AGAP1: variants seen among roughly 807,000 people sequenced by gnomAD.
AGAP1 encodes arf-GAP with GTPase, ANK repeat and PH domain-containing protein 1.
In AGAP1, 29 loss-of-function variants were observed where a neutral mutation model predicts 105.3. That is an observed-to-expected ratio of 0.28 (90% CI 0.21 to 0.38). The LOEUF (loss-of-function observed/expected upper bound fraction) is 0.38. Ranked by LOEUF, AGAP1 falls within the 10% of genes least tolerant of loss-of-function variation. The pLI, the probability that AGAP1 is intolerant of heterozygous loss-of-function variation, is 1.00. For synonymous variants in AGAP1, 509 were observed against 485.9 expected (o/e 1.05, Z -0.63); for missense variants, 998 against 1,165.1 (o/e 0.86, Z 2.09).
chr2:235,688,659 G>C (rs78165418), intron 1 of AGAP1, among the ~76,000 whole-genome samples: 2 of 152,128 alleles, frequency 1.3e-5, no homozygotes, highest in Non-Finnish European at 1.5e-5. Context: ...TCAGATTTTC[G>C]TCATGACCAC....
At chr2:236,052,630 A>G (rs1056838686) in intron 16 of AGAP1, among the ~76,000 whole-genome samples, 4 of 152,194 alleles carry the variant, frequency 2.6e-5, no homozygotes, top group Admixed American at 1.3e-4. Flanking sequence ...CAGGGGAATC[A>G]TTAGTCAAGA....
chr2:235,608,308 A>C lies in AGAP1; in HGVS notation c.164-100871A>C, dbSNP rs1946015441. Among the ~76,000 whole-genome samples the C allele has an allele frequency of 6.6e-6, 1 of 152,164 alleles. No individual in the cohort carries two copies. The highest frequency in any genetic ancestry group is 2.4e-5 in the African/African-American group (1 of 41,426). ...TGGATCCATGGCCGTATTCTGTAAA[A>C]TTCCATTGTGTCTTTTTTTCCCCCA... On this transcript the variant is annotated intron_variant, in intron 1 of 17. Transcript: ENST00000304032. This position sits in a 1 kb window ranked among gnomAD's most constrained non-coding sequence, Gnocchi z 5.4.
intron 11 of AGAP1, among the ~76,000 whole-genome samples, chr2:235,921,829 T>G (rs867488154): frequency 1.2e-4 from 19 of 152,156 alleles, no homozygotes; most frequent in South Asian, 4.1e-4. Context: ...GAATGTGTCC[T>G]TGGAAAAAAA....
chr2:235,574,518 T>A lies in AGAP1; in HGVS notation c.163+79669T>A, dbSNP rs575413195. ...TTAATAGCTGTGATCAGATTATACC[T>A]TTAAATCTCTTTAAACACTTCCCAC... On this transcript the variant is annotated intron_variant, in intron 1 of 17. Transcript: ENST00000304032. This position sits in a 1 kb window ranked among gnomAD's most constrained non-coding sequence, Gnocchi z 5.0. 6.6e-6 allele frequency among the ~76,000 whole-genome samples: 1 copy of A among 152,354 alleles called. No homozygotes were observed. Among genetic ancestry groups the A allele is most frequent in the Admixed American group, 6.5e-5 (1 of 15,314 alleles).
rs2055734760 is a variant in AGAP1, at chr2:235,994,986, G to A, written c.1645+26363G>A. Among the ~76,000 whole-genome samples, 1 of 131,046 alleles carries A rather than the reference G, an allele frequency of 7.6e-6. No individual in the cohort carries two copies. Among genetic ancestry groups the A allele is most frequent in the Admixed American group, 9.0e-5 (1 of 11,096 alleles). The allele number at this position is 131,046 out of a possible 152,430, so 86.0% of individuals were successfully genotyped here. A position where few individuals can be genotyped will look rare whatever the true frequency, so the allele number is the denominator to read the frequency against. The stretch of plus-strand genomic sequence containing the variant: ...GGAGGCTGAGGCAAGAGAATTGCTT[G>A]AACCCGGGAGGCAGAGGTTGCAGTG... On this transcript the variant is annotated intron_variant, in intron 13 of 17. Coordinates refer to ENST00000304032, the MANE Select transcript of AGAP1 (RefSeq NM_001037131.3). The surrounding 1 kb of genome is among the most constrained non-coding windows in gnomAD (Gnocchi z 4.4).
chr2:236,003,583 C>T lies in AGAP1; in HGVS notation c.1646-32978C>T, dbSNP rs35116044. On this transcript the variant is annotated intron_variant, in intron 13 of 17. Transcript: ENST00000304032. This position sits in a 1 kb window ranked among gnomAD's most constrained non-coding sequence, Gnocchi z 4.2. ...CGCTGCTGCTGCCCGCATGGGGTAC[C>T]CTTAAGTCCCACATCCAAGCTCCCT... Among the ~76,000 whole-genome samples the T allele has an allele frequency of 0.37, 56,397 of 151,984 alleles. 10,827 individuals carry two copies. The highest frequency in any genetic ancestry group is 0.5 in the South Asian group (2,401 of 4,812).
Position 236,002,763 on chromosome 2 carries a change from C to A in AGAP1, c.1646-33798C>A, listed in dbSNP as rs2056177013. ...AAGTATTGAATTTTACCAAAAGTTTCAGAAGTCCAATTCATTATTAGATTT... is the reference window on the plus strand; with the variant it reads ...AAGTATTGAATTTTACCAAAAGTTTAAGAAGTCCAATTCATTATTAGATTT... On this transcript the variant is annotated intron_variant, in intron 13 of 17. Coordinates refer to ENST00000304032, the MANE Select transcript of AGAP1 (RefSeq NM_001037131.3). The surrounding 1 kb of genome is among the most constrained non-coding windows in gnomAD (Gnocchi z 4.3). 6.6e-6 allele frequency among the ~76,000 whole-genome samples: 1 copy of A among 152,024 alleles called. No homozygotes were observed. Among genetic ancestry groups the A allele is most frequent in the Non-Finnish European group, 1.5e-5 (1 of 68,012 alleles).
rs1472642420 is a variant in AGAP1 at position 235,793,294 on chromosome 2, C to A, written c.674-4465C>A. Among the ~76,000 whole-genome samples the A allele has an allele frequency of 6.6e-6, 1 of 152,154 alleles. No individual in the cohort carries two copies. Among genetic ancestry groups the A allele is most frequent in the Non-Finnish European group, 1.5e-5 (1 of 68,032 alleles). On this transcript the variant is annotated intron_variant, in intron 6 of 17. Coordinates refer to ENST00000304032, the MANE Select transcript of AGAP1 (RefSeq NM_001037131.3). The surrounding 1 kb of genome is among the most constrained non-coding windows in gnomAD (Gnocchi z 5.3). ...GTGGCACACGGTGTAATCCGGGCAG[C>A]CTTGGCGAGCACCTCCTGTGTGCCA...
At chr2:235,558,578 A>G (rs992131353) in intron 1 of AGAP1, among the ~76,000 whole-genome samples, 1 of 152,134 alleles carries the variant, frequency 6.6e-6, no homozygotes, top group African/African-American at 2.4e-5. Flanking sequence ...GGAGAAATAA[A>G]AAGACCCCAG....
intron 1 of AGAP1, among the ~76,000 whole-genome samples, chr2:235,509,643 C>T (rs1449450395): frequency 5.3e-5 from 8 of 152,126 alleles, no homozygotes; most frequent in Admixed American, 5.2e-4. Context: ...TCCCCGACCC[C>T]AACACTTCCT....
intron 16 of AGAP1, among the ~76,000 whole-genome samples, chr2:236,059,154 G>A (rs918755037): frequency 4.0e-5 from 6 of 149,312 alleles, no homozygotes; most frequent in African/African-American, 1.2e-4. Context: ...TAACAAGACC[G>A]TATCTTTAAA....
At chr2:235,850,244 T>G (rs891631814) in intron 9 of AGAP1, among the ~76,000 whole-genome samples, 2 of 152,266 alleles carry the variant, frequency 1.3e-5, no homozygotes, top group African/African-American at 4.8e-5. Context: ...GTTCCAACTC[T>G]GCAGAAAAGC....
intron 3 of AGAP1, among the ~76,000 whole-genome samples, chr2:235,722,148 T>C (rs1298238193): frequency 6.6e-6 from 1 of 152,214 alleles, no homozygotes; most frequent in Non-Finnish European, 1.5e-5. Flanking sequence ...TAATTGGGTG[T>C]GCGTGCTCAC....
intron 6 of AGAP1, among the ~76,000 whole-genome samples, chr2:235,794,025 C>T (rs1957124542): frequency 6.6e-6 from 1 of 152,118 alleles, no homozygotes; most frequent in Admixed American, 6.5e-5. Context: ...AAATTATCCT[C>T]AGGTCAAGGA....
In AGAP1 at chr2:235,998,788, G is replaced by T. The variant is rs187256177; in HGVS notation, c.1645+30165G>T. 1.0e-3 allele frequency among the ~76,000 whole-genome samples: 153 copies of T among 150,504 alleles called. 1 individual carries two copies. Among genetic ancestry groups the T allele is most frequent in the Admixed American group, 3.2e-3 (48 of 15,180 alleles). On this transcript the variant is annotated intron_variant, in intron 13 of 17. Coordinates refer to ENST00000304032, the MANE Select transcript of AGAP1 (RefSeq NM_001037131.3). ...ATGGTGAGAGGTTATGAAGGGGGTT[G>T]TGACAGTGGTGGTAATGATTGTGAC...
intron 9 of AGAP1, among the ~76,000 whole-genome samples, chr2:235,857,877 C>T (rs760627227): frequency 4.3e-4 from 65 of 152,338 alleles, no homozygotes; most frequent in African/African-American, 6.3e-4. Flanking sequence ...GCAGGCCTAT[C>T]GCCCTGTGCC....
At chr2:235,884,224 G>A (rs1176260004) in intron 10 of AGAP1, among the ~76,000 whole-genome samples, 1 of 152,126 alleles carries the variant, frequency 6.6e-6, no homozygotes, top group South Asian at 2.1e-4. Flanking sequence ...ATCTATGGGG[G>A]ATGGATTCTG....
rs188671643 is a variant in AGAP1 at position 236,126,991 on chromosome 2, G to A, written c.*2869G>A. The stretch of plus-strand genomic sequence containing the variant: ...TCATTTCCATGTTCAGTTCTGTGAC[G>A]TGACGATGACAGATCACCACTGCAG... On this transcript the variant is annotated 3_prime_UTR_variant, in exon 18 of 18. Coordinates refer to ENST00000304032, the MANE Select transcript of AGAP1 (RefSeq NM_001037131.3). 467 of 152,372 alleles carry A rather than the reference G, an allele frequency of 3.1e-3. 4 individuals are homozygous for A. The highest frequency in any genetic ancestry group is 2.7e-3 in the Non-Finnish European group (185 of 68,074). 9.4% of individuals were successfully genotyped at this position (152,372 alleles called of 1,614,324 possible). A position where few individuals can be genotyped will look rare whatever the true frequency, so the allele number is the denominator to read the frequency against.
In AGAP1 at chr2:235,862,075, G is replaced by A. The variant is rs560898789; in HGVS notation, c.1051-21270G>A. Among the ~76,000 whole-genome samples the A allele has an allele frequency of 4.9e-4, 75 of 152,056 alleles. 1 individual carries two copies. Among genetic ancestry groups the A allele is most frequent in the Non-Finnish European group, 9.8e-4 (67 of 68,034 alleles). ...TACCGGATGGCTTAGCACCTGGCGAGTGAGTGTCTCAGAAAGGAAACTGCA... is the reference window on the plus strand; with the variant it reads ...TACCGGATGGCTTAGCACCTGGCGAATGAGTGTCTCAGAAAGGAAACTGCA... On this transcript the variant is annotated intron_variant, in intron 9 of 17. Transcript: ENST00000304032.
Sources: allele counts gnomAD v4.1 joint callset (sites outside exome capture counted in the v4.1 genomes callset), GRCh38; gene constraint gnomAD v4.1.1; non-coding constraint Gnocchi (gnomAD v3.1); transcripts MANE v1.5; gene names NCBI Gene and HGNC (gene_info 2026-07-23, HGNC 2026-07-21).